PLXDC2: variants seen among roughly 807,000 people sequenced by gnomAD.
The protein encoded by PLXDC2 is plexin domain containing 2, also known as plexin domain-containing protein 2.
PLXDC2 carries 40 observed loss-of-function variants against 68.9 expected under a neutral mutation model. That is an observed-to-expected ratio of 0.58 (90% CI 0.45 to 0.76). The LOEUF is 0.76. PLXDC2 is among the 30% of genes least tolerant of loss of function. The probability of loss-of-function intolerance (pLI) is 0.00; values close to 1 mark genes in which losing one functional copy is unlikely to be tolerated. For synonymous variants in PLXDC2, 243 were observed against 234.2 expected (o/e 1.04, Z -0.34); for missense variants, 644 against 661.9 (o/e 0.97, Z 0.30).
rs945338182 is a variant in PLXDC2 at position 20,147,960 on chromosome 10, C to T, written c.783+58C>T. 8.3e-5 allele frequency: 100 copies of T among 1,198,562 alleles called. No homozygotes were observed. The African/African-American group carries it at 1.4e-3, about 17-fold the overall frequency. 74.2% of individuals were successfully genotyped at this position (1,198,562 alleles called of 1,614,324 possible). On this transcript the variant is annotated intron_variant, in intron 6 of 13. Coordinates refer to ENST00000377252, the MANE Select transcript of PLXDC2 (RefSeq NM_032812.9). Reference sequence around the variant, plus strand: ...CCCTTGTTCTTGACTGCTGCCTTTCCTCCAAATGTCAAGAAAGGGACATTT... The same window carrying T: ...CCCTTGTTCTTGACTGCTGCCTTTCTTCCAAATGTCAAGAAAGGGACATTT...
At position 20,039,415 on chromosome 10, in the gene PLXDC2, G is replaced by A. The variant is rs191424835; in HGVS notation, c.325-7454G>A. 8.5e-5 allele frequency among the ~76,000 whole-genome samples: 13 copies of A among 152,182 alleles called. 1 individual carries two copies. In the South Asian group the frequency reaches 1.7e-3, roughly 19 times the overall value. ...TGCACTCTACAGCAGTTAAGTTATC[G>A]AAGCTGGTATTCGAAAGAAAAGGTA... On this transcript the variant is annotated intron_variant, in intron 2 of 13. Transcript: ENST00000377252.
At chr10:20,201,527 A>G (rs530028758) in intron 9 of PLXDC2, among the ~76,000 whole-genome samples, 6 of 152,096 alleles carry the variant, frequency 3.9e-5, no homozygotes, top group African/African-American at 1.4e-4. Context: ...ATATAACAAT[A>G]TAACATATAT....
At chr10:19,945,396 G>A (rs1203435829) in intron 1 of PLXDC2, among the ~76,000 whole-genome samples, 2 of 152,142 alleles carry the variant, frequency 1.3e-5, no homozygotes, top group African/African-American at 4.8e-5. Context: ...ATGCAGTCCT[G>A]CTGGTGATTA....
intron 1 of PLXDC2, among the ~76,000 whole-genome samples, chr10:19,832,635 G>A (rs1456487327): frequency 6.6e-6 from 1 of 152,042 alleles, no homozygotes; most frequent in Admixed American, 6.6e-5. Flanking sequence ...ACTGTCAATC[G>A]AATTTTTTAA....
Position 20,116,393 on chromosome 10 carries a change from G to C in PLXDC2, c.542-26902G>C, listed in dbSNP as rs868157867. 1.6e-4 allele frequency among the ~76,000 whole-genome samples: 25 copies of C among 152,194 alleles called. No individual in the cohort carries two copies. The Middle Eastern group carries it at 0.01, about 62-fold the overall frequency. On this transcript the variant is annotated intron_variant, in intron 4 of 13. Transcript: ENST00000377252. ...GTTCTCGGGTTGTCCCACAGTTCTGGTTCTATTGCCTGCCTTTTTTTTCCA... is the reference window on the plus strand; with the variant it reads ...GTTCTCGGGTTGTCCCACAGTTCTGCTTCTATTGCCTGCCTTTTTTTTCCA...
chr10:20,102,319 T>G (rs964754833), intron 4 of PLXDC2, among the ~76,000 whole-genome samples: 2 of 152,224 alleles, frequency 1.3e-5, no homozygotes, highest in African/African-American at 4.8e-5. Context: ...CGGTGTTTCC[T>G]AAATTGCAGT....
At chr10:20,063,684 A>G (rs1836144472) in intron 3 of PLXDC2, among the ~76,000 whole-genome samples, 1 of 152,232 alleles carries the variant, frequency 6.6e-6, no homozygotes, top group South Asian at 2.1e-4. Flanking sequence ...AGGTGTAGGC[A>G]CACTCAGAAA....
rs1187485478 is a variant in PLXDC2 at position 20,147,849 on chromosome 10, A to G, written c.730A>G (p.Thr244Ala). The G allele has an allele frequency of 1.9e-6, 3 of 1,613,578 alleles. No homozygotes were observed. The highest frequency in any genetic ancestry group is 2.5e-6 in the Non-Finnish European group (3 of 1,179,538). ...GGATAATTATAACCTGGGAAGCTTCACATTCCAGGCAACCCTGCTCATGGA... is the reference window on the plus strand; with the variant it reads ...GGATAATTATAACCTGGGAAGCTTCGCATTCCAGGCAACCCTGCTCATGGA... ...LQDNYNLGSF[T>A]FQATLLMDGR... is the part of the protein sequence containing the mutation. Residue 244 changes from threonine to alanine, a missense_variant, in exon 6 of 14, where the codon ACA becomes GCA. Thr to Ala is a moderately conservative substitution (Grantham distance 58). Coordinates refer to ENST00000377252, the MANE Select transcript of PLXDC2 (RefSeq NM_032812.9).
intron 1 of PLXDC2, among the ~76,000 whole-genome samples, chr10:19,909,240 A>G (rs961861301): frequency 2.0e-5 from 3 of 152,126 alleles, no homozygotes; most frequent in East Asian, 1.9e-4. Context: ...TTGTGTGACA[A>G]TTTTACACCA....
chr10:19,922,406 CTTTG>C (rs1184679489), intron 1 of PLXDC2, among the ~76,000 whole-genome samples: 4 of 152,134 alleles, frequency 2.6e-5, no homozygotes, highest in Admixed American at 1.3e-4. Context: ...TCAGTGAAAG[CTTTG>C]TTTACTTGCT....
At chr10:19,944,883 C>T (rs886536356) in intron 1 of PLXDC2, among the ~76,000 whole-genome samples, 24 of 152,118 alleles carry the variant, frequency 1.6e-4, no homozygotes, top group African/African-American at 5.3e-4. Context: ...ACCCGGAAGG[C>T]GGAGGTTGCA....
At position 20,188,723 on chromosome 10, in the gene PLXDC2, G is replaced by A. The variant is rs190551436; in HGVS notation, c.1061+11314G>A. Among the ~76,000 whole-genome samples the A allele has an allele frequency of 2.0e-5, 3 of 151,932 alleles. No homozygotes were observed. In the East Asian group the frequency reaches 5.8e-4, roughly 30 times the overall value. On this transcript the variant is annotated intron_variant, in intron 9 of 13. Transcript: ENST00000377252. ...TTAAAACATATTAAGAGCTAATGAA[G>A]TTGAGCCTGATAAAAGAAAGTAAGA... is the stretch of plus-strand genomic sequence containing the variant.
intron 12 of PLXDC2, 62 bp from the exon 13 acceptor site, chr10:20,245,283 G>C (rs1588540163): frequency 6.6e-7 from 1 of 1,515,764 alleles, no homozygotes; most frequent in East Asian, 2.3e-5. Context: ...TATCTCCTCA[G>C]ATGAAAATGC....
intron 1 of PLXDC2, among the ~76,000 whole-genome samples, chr10:19,978,014 C>T (rs1243241623): frequency 6.6e-6 from 1 of 152,186 alleles, no homozygotes; most frequent in Non-Finnish European, 1.5e-5. Context: ...GGTAGTCTAG[C>T]TGCTTCTTAA....
chr10:19,840,995 C>T (rs920552073), intron 1 of PLXDC2, among the ~76,000 whole-genome samples: 36 of 152,130 alleles, frequency 2.4e-4, no homozygotes, highest in African/African-American at 7.7e-4. Context: ...GCCTAGAATC[C>T]TTATGAAGCA....
chr10:19,989,184 T>C (rs1257071030), intron 1 of PLXDC2, among the ~76,000 whole-genome samples: 2 of 152,162 alleles, frequency 1.3e-5, no homozygotes, highest in East Asian at 3.8e-4. Flanking sequence ...GGGAGATGCT[T>C]AACAAAATGT....
chr10:20,190,266 A>G (rs1413416520), intron 9 of PLXDC2, among the ~76,000 whole-genome samples: 3 of 151,912 alleles, frequency 2.0e-5, no homozygotes, highest in Non-Finnish European at 4.4e-5. Context: ...ATTTTAGTGA[A>G]AATTATATAT....
At chr10:20,111,690 C>T (rs933955153) in intron 4 of PLXDC2, among the ~76,000 whole-genome samples, 6 of 152,142 alleles carry the variant, frequency 3.9e-5, no homozygotes, top group African/African-American at 1.4e-4. Context: ...GTAAACTTTG[C>T]ATGAAATCCC....
At chr10:19,913,605 G>A (rs540728167) in intron 1 of PLXDC2, among the ~76,000 whole-genome samples, 32 of 152,126 alleles carry the variant, frequency 2.1e-4, no homozygotes, top group African/African-American at 7.2e-4. Context: ...AAATTAAGTC[G>A]AAATGTAGGG....
Sources: gnomAD v4.1 joint callset for allele counts (sites outside exome capture counted in the v4.1 genomes callset) on GRCh38, gnomAD v4.1.1 for gene constraint, MANE v1.5 for transcripts, NCBI Gene and HGNC (gene_info 2026-07-23, HGNC 2026-07-21) for gene names.